The following UVRAG variants were observed in gnomAD, a reference collection of about 807,000 sequenced individuals.
UVRAG encodes the protein UV radiation resistance associated.
In UVRAG, 19 loss-of-function variants were observed where a neutral mutation model predicts 78.0. The ratio of observed to expected loss-of-function variants is 0.24; its 90% CI spans 0.17 to 0.36. The LOEUF is 0.36. Among genes scored for constraint, UVRAG ranks in the 10% least tolerant of loss-of-function variants. UVRAG has a pLI of 1.00. For synonymous variants in UVRAG, 323 were observed against 324.6 expected (o/e 1.00, Z 0.05); for missense variants, 740 against 853.8 (o/e 0.87, Z 1.66).
chr11:76,072,250 A>G (rs1042794969), intron 13 of UVRAG, among the ~76,000 whole-genome samples: 3 of 152,304 alleles, frequency 2.0e-5, no homozygotes, highest in African/African-American at 7.2e-5. Context: ...GAGAGTAGTA[A>G]TTTGGAAACT....
At chr11:75,860,461 TA>T (rs774126107) in intron 2 of UVRAG, among the ~76,000 whole-genome samples, 1 of 152,242 alleles carries the variant, frequency 6.6e-6, no homozygotes, top group East Asian at 1.9e-4. Flanking sequence ...CAGTATTATG[TA>T]AAAATACCCT....
intron 6 of UVRAG, among the ~76,000 whole-genome samples, chr11:75,947,691 T>G (rs1461184853): frequency 6.6e-6 from 1 of 152,074 alleles, no homozygotes; most frequent in African/African-American, 2.4e-5. Flanking sequence ...AACGATGGGT[T>G]TGTGGGTGGG....
At chr11:76,137,831 C>A in intron 14 of UVRAG, 1 of 239,928 alleles carries the variant, frequency 4.2e-6, no homozygotes, top group Non-Finnish European at 8.3e-6. Flanking sequence ...TCCCTTAAGG[C>A]CAGGAGTTGA....
At chr11:75,986,796 C>G (rs372684822) in intron 8 of UVRAG, among the ~76,000 whole-genome samples, 47 of 151,520 alleles carry the variant, frequency 3.1e-4, no homozygotes, top group African/African-American at 1.1e-3. Context: ...TAACCACCCC[C>G]CTACCTTCTG....
At chr11:76,137,498 G>A (rs780810402) in intron 14 of UVRAG, 1 of 455,468 alleles carries the variant, frequency 2.2e-6, no homozygotes, top group South Asian at 1.6e-5. Context: ...AAATCTCATA[G>A]AACTAAAAAT....
rs182508145 is a variant in UVRAG, at chr11:75,831,236, C to T, written c.117+15712C>T. Among the ~76,000 whole-genome samples the T allele has an allele frequency of 2.1e-3, 313 of 152,268 alleles. 2 individuals are homozygous for T. The highest frequency in any genetic ancestry group is 1.6e-3 in the Non-Finnish European group (110 of 68,030). On this transcript the variant is annotated intron_variant, in intron 1 of 14. Transcript: ENST00000356136. Reference sequence around the variant, plus strand: ...GGGAACGGTGGCTCACACCTGTAATCCCAGCACTTTGGGAGGCTGAGGCGG... The same window carrying T: ...GGGAACGGTGGCTCACACCTGTAATTCCAGCACTTTGGGAGGCTGAGGCGG...
intron 14 of UVRAG, among the ~76,000 whole-genome samples, chr11:76,126,187 T>C (rs1331419738): frequency 6.6e-6 from 1 of 152,060 alleles, no homozygotes; most frequent in African/African-American, 2.4e-5. Context: ...GTGATCCACC[T>C]GCCTCGGCCT....
intron 11 of UVRAG, 123 bp from the exon 12 acceptor site, chr11:76,016,692 T>C: frequency 1.2e-6 from 1 of 856,100 alleles, no homozygotes; most frequent in Non-Finnish European, 1.6e-6. Flanking sequence ...ATAATTTAGA[T>C]AAGTGGTTAA....
At chr11:76,035,314 T>A (rs545557812) in intron 12 of UVRAG, among the ~76,000 whole-genome samples, 1 of 152,284 alleles carries the variant, frequency 6.6e-6, no homozygotes, top group Admixed American at 6.5e-5. Context: ...AAATGGGAGG[T>A]TCATAGTTGC....
chr11:76,102,428 A>G (rs1368955715), intron 13 of UVRAG, among the ~76,000 whole-genome samples: 1 of 152,158 alleles, frequency 6.6e-6, no homozygotes, highest in East Asian at 1.9e-4. Context: ...TTGTACCCTG[A>G]AACTTTGCTG....
intron 14 of UVRAG, among the ~76,000 whole-genome samples, chr11:76,121,223 AC>A (rs1289645337): frequency 1.1e-4 from 16 of 151,932 alleles, no homozygotes; most frequent in Admixed American, 3.3e-4. Context: ...CCTAAAATGA[AC>A]CCCCATTTTT....
At chr11:75,941,501 C>T (rs1461298746) in intron 6 of UVRAG, among the ~76,000 whole-genome samples, 1 of 152,104 alleles carries the variant, frequency 6.6e-6, no homozygotes, top group Non-Finnish European at 1.5e-5. Flanking sequence ...TTGCATTATA[C>T]TTACTGGTTG....
chr11:76,026,647 A>G lies in UVRAG; in HGVS notation c.1226+9667A>G, dbSNP rs546456132. Among the ~76,000 whole-genome samples the G allele has an allele frequency of 5.9e-5, 9 of 152,254 alleles. No individual in the cohort carries two copies. The East Asian group carries it at 1.7e-3, about 29-fold the overall frequency. ...GGTTGTTGCTCAGATGTTGGCATTT[A>G]GAGCACTCAGTAGACCCAGACCCTA... On this transcript the variant is annotated intron_variant, in intron 12 of 14. Transcript: ENST00000356136.
intron 5 of UVRAG, among the ~76,000 whole-genome samples, chr11:75,898,557 G>A (rs1424601208): frequency 6.6e-6 from 1 of 152,174 alleles, no homozygotes; most frequent in African/African-American, 2.4e-5. Flanking sequence ...AGGATGAGTT[G>A]TGGCAGAACC....
intron 6 of UVRAG, among the ~76,000 whole-genome samples, chr11:75,918,210 C>CAAA (rs67178910): frequency 1.3e-3 from 71 of 55,546 alleles, no homozygotes; most frequent in African/African-American, 3.1e-3. Context: ...ACTAAAAATA[C>CAAA]AAAAAAAAAA....
chr11:75,979,200 G>A (rs1949330882), intron 7 of UVRAG, among the ~76,000 whole-genome samples: 2 of 152,208 alleles, frequency 1.3e-5, no homozygotes, highest in Non-Finnish European at 2.9e-5. Flanking sequence ...AAATATTGCA[G>A]AACGGCAAAT....
intron 3 of UVRAG, among the ~76,000 whole-genome samples, chr11:75,877,715 G>A (rs1009468888): frequency 7.1e-6 from 1 of 141,756 alleles, no homozygotes; most frequent in South Asian, 2.3e-4. Context: ...TCCTGGACGG[G>A]GCGGCTGGCC....
chr11:75,939,970 TA>T (rs1368284683), intron 6 of UVRAG, among the ~76,000 whole-genome samples: 1 of 152,192 alleles, frequency 6.6e-6, no homozygotes, highest in Non-Finnish European at 1.5e-5. Context: ...CCTGAAACAC[TA>T]TACCAAAAAC....
At chr11:76,123,797 G>A (rs1952334227) in intron 14 of UVRAG, among the ~76,000 whole-genome samples, 1 of 150,482 alleles carries the variant, frequency 6.6e-6, no homozygotes, top group African/African-American at 2.5e-5. Context: ...ATGGAGTCTC[G>A]CTCTGTCACT....
Sources: gnomAD v4.1 joint callset for allele counts (sites outside exome capture counted in the v4.1 genomes callset) on GRCh38, gnomAD v4.1.1 for gene constraint, MANE v1.5 for transcripts, NCBI Gene and HGNC (gene_info 2026-07-23, HGNC 2026-07-21) for gene names.